MDGA2: variants seen among roughly 807,000 people sequenced by gnomAD.
MDGA2 encodes the protein MAM domain-containing glycosylphosphatidylinositol anchor protein 2.
MDGA2 carries 40 observed loss-of-function variants against 117.8 expected under a neutral mutation model. The ratio of observed to expected loss-of-function variants is 0.34; its 90% CI spans 0.26 to 0.44. The LOEUF (loss-of-function observed/expected upper bound fraction) is 0.44. Ranked by LOEUF, MDGA2 falls within the 20% of genes least tolerant of loss-of-function variation. The pLI, the probability that MDGA2 is intolerant of heterozygous loss-of-function variation, is 1.00. For synonymous variants in MDGA2, 452 were observed against 439.0 expected (o/e 1.03, Z -0.37); for missense variants, 1,123 against 1,250.6 (o/e 0.90, Z 1.54).
chr14:47,629,545 G>C (rs775099957), intron 1 of MDGA2, among the ~76,000 whole-genome samples: 19 of 152,170 alleles, frequency 1.2e-4, no homozygotes, highest in Non-Finnish European at 2.2e-4. Flanking sequence ...TTGGTTCAGA[G>C]AGTAAGTACT....
chr14:47,172,938 A>C (rs1884231130), intron 3 of MDGA2, among the ~76,000 whole-genome samples: 1 of 152,178 alleles, frequency 6.6e-6, no homozygotes, highest in South Asian at 2.1e-4. Flanking sequence ...AATAACCAAT[A>C]CAGAGAAGTG....
intron 1 of MDGA2, among the ~76,000 whole-genome samples, chr14:47,635,915 T>G (rs534649765): frequency 6.6e-6 from 1 of 152,328 alleles, no homozygotes; most frequent in South Asian, 2.1e-4. Context: ...TAGACACATC[T>G]TATGTAAGAC....
At chr14:46,952,214 A>G (rs1885394144) in intron 9 of MDGA2, among the ~76,000 whole-genome samples, 1 of 151,150 alleles carries the variant, frequency 6.6e-6, no homozygotes, top group African/African-American at 2.4e-5. Context: ...GCAATACAAT[A>G]AAGTTATTTT....
At chr14:46,989,706 A>T (rs938392190) in intron 8 of MDGA2, among the ~76,000 whole-genome samples, 4 of 152,122 alleles carry the variant, frequency 2.6e-5, no homozygotes, top group Non-Finnish European at 4.4e-5. Context: ...ATTGAACTAT[A>T]TACAGGCACT....
intron 9 of MDGA2, among the ~76,000 whole-genome samples, chr14:46,953,062 A>G (rs924264698): frequency 6.6e-6 from 1 of 151,922 alleles, no homozygotes; most frequent in African/African-American, 2.4e-5. Context: ...AGTGCAATAG[A>G]TATAAAACCA....
At chr14:47,407,467 T>A (rs372706745) in intron 1 of MDGA2, among the ~76,000 whole-genome samples, 31 of 152,308 alleles carry the variant, frequency 2.0e-4, no homozygotes, top group African/African-American at 7.2e-4. Context: ...TTTATTCAAC[T>A]GGAATCTTTG....
chr14:47,323,252 C>A (rs1292517452), intron 1 of MDGA2, among the ~76,000 whole-genome samples: 1 of 147,596 alleles, frequency 6.8e-6, no homozygotes. Context: ...ATAAAAGGCT[C>A]AAGTACAGGT....
intron 2 of MDGA2, among the ~76,000 whole-genome samples, chr14:47,231,082 T>C (rs1321298985): frequency 6.6e-6 from 1 of 152,024 alleles, no homozygotes; most frequent in Non-Finnish European, 1.5e-5. Flanking sequence ...AGTAAATATA[T>C]TGTAGTCTTC....
intron 1 of MDGA2, among the ~76,000 whole-genome samples, chr14:47,431,266 A>T (rs1892793243): frequency 1.3e-5 from 2 of 151,974 alleles, no homozygotes; most frequent in Non-Finnish European, 2.9e-5. Context: ...CTCAGCTTTG[A>T]AAATGGACTC....
intron 5 of MDGA2, among the ~76,000 whole-genome samples, chr14:47,120,027 A>C (rs1403215456): frequency 1.3e-5 from 2 of 152,210 alleles, no homozygotes; most frequent in African/African-American, 4.8e-5. Flanking sequence ...CAAAACAAAG[A>C]AAATTGGTTT....
intron 1 of MDGA2, among the ~76,000 whole-genome samples, chr14:47,664,544 G>A (rs1435661863): frequency 2.0e-5 from 3 of 152,284 alleles, no homozygotes; most frequent in Non-Finnish European, 1.5e-5. Context: ...GGAAACTGAG[G>A]GATAGAGATC....
chr14:46,991,961 G>C (rs1887108159), intron 8 of MDGA2, among the ~76,000 whole-genome samples: 1 of 152,090 alleles, frequency 6.6e-6, no homozygotes, highest in African/African-American at 2.4e-5. Flanking sequence ...TTAGCATTTT[G>C]TCATGGACTC....
intron 2 of MDGA2, among the ~76,000 whole-genome samples, chr14:47,249,320 T>C (rs1887367376): frequency 6.6e-6 from 1 of 151,704 alleles, no homozygotes; most frequent in Admixed American, 6.6e-5. Flanking sequence ...CCCGGCCTCT[T>C]TCTTTCTTTC....
chr14:47,449,451 T>A lies in MDGA2; in HGVS notation c.281-147901A>T, dbSNP rs1469366438. The stretch of plus-strand genomic sequence containing the variant: ...TAGTCTTTTCATAAGTAGGGACTGA[T>A]GAGAATTGGCCACAGTGACTGTTTT... On this transcript the variant is annotated intron_variant, in intron 1 of 16. Transcript: ENST00000399232. Among the ~76,000 whole-genome samples the A allele has an allele frequency of 2.0e-5, 3 of 152,246 alleles. No homozygotes were observed. In the East Asian group the frequency reaches 5.8e-4, roughly 29 times the overall value.
At chr14:46,981,172 G>GGGA (rs1555340287) in intron 8 of MDGA2, among the ~76,000 whole-genome samples, 4 of 17,668 alleles carry the variant, frequency 2.3e-4, no homozygotes, top group Non-Finnish European at 6.2e-4. Flanking sequence ...GGGAGGCCAA[G>GGGA]GGGGGGGCGG....
At chr14:46,871,165 C>T (rs1250382474) in intron 14 of MDGA2, 1 of 151,914 alleles carries the variant, frequency 6.6e-6, no homozygotes, top group Non-Finnish European at 1.5e-5. Context: ...TGTTTCCTTT[C>T]ATTGGTTCTT....
chr14:47,674,824 C>T lies in MDGA2; in HGVS notation c.-28G>A, dbSNP rs1360289797. The T allele has an allele frequency of 6.3e-6, 4 of 639,210 alleles. No individual in the cohort carries two copies. The highest frequency in any genetic ancestry group is 1.1e-5 in the Non-Finnish European group (4 of 359,456). The allele number at this position is 639,210 out of a possible 1,614,324, so 39.6% of individuals were successfully genotyped here. ...ACACACACACTCACACACACTCACA[C>T]ACTCTCCCACAACACAATACCCTGA... is the stretch of plus-strand genomic sequence containing the variant. On this transcript the variant is annotated 5_prime_UTR_variant, in exon 1 of 17. It adds an upstream start codon to the 5' untranslated region. Transcript: ENST00000399232.
At chr14:47,447,275 G>A (rs1893143687) in intron 1 of MDGA2, among the ~76,000 whole-genome samples, 1 of 152,148 alleles carries the variant, frequency 6.6e-6, no homozygotes, top group South Asian at 2.1e-4. Flanking sequence ...CTGAAGACAA[G>A]AGAAAGGTCA....
intron 2 of MDGA2, among the ~76,000 whole-genome samples, chr14:47,293,501 T>C (rs1354446722): frequency 6.6e-6 from 1 of 152,220 alleles, no homozygotes; most frequent in East Asian, 1.9e-4. Flanking sequence ...CAGGCAAGAA[T>C]ACTCCACCTA....
Sources: gnomAD v4.1 joint callset for allele counts (sites outside exome capture counted in the v4.1 genomes callset) on GRCh38, gnomAD v4.1.1 for gene constraint, MANE v1.5 for transcripts, NCBI Gene and HGNC (gene_info 2026-07-23, HGNC 2026-07-21) for gene names.